SLC6A9: variants seen among roughly 807,000 people sequenced by gnomAD.
SLC6A9 encodes sodium- and chloride-dependent glycine transporter 1.
In SLC6A9, 31 loss-of-function variants were observed where a neutral mutation model predicts 70.9. The observed-to-expected ratio is 0.44, with a 90% CI of 0.33 to 0.59. The LOEUF (loss-of-function observed/expected upper bound fraction) is 0.59, where lower values mean the gene tolerates loss of function less well. SLC6A9 is among the 20% of genes least tolerant of loss of function. The pLI is 0.04. For missense variants in SLC6A9, 631 were observed against 845.2 expected, an observed-to-expected ratio of 0.75 and a Z score of 3.14; for synonymous variants, 310 against 341.3, an observed-to-expected ratio of 0.91 and a Z score of 1.01.
intron 1 of SLC6A9, among the ~76,000 whole-genome samples, chr1:44,030,141 G>C (rs1256515157): frequency 6.6e-6 from 1 of 152,096 alleles, no homozygotes; most frequent in Admixed American, 6.5e-5. Context: ...GGAGGCCTCC[G>C]GCCGGCGGGC....
At chr1:44,004,635 C>T (rs529171287) in intron 5 of SLC6A9, among the ~76,000 whole-genome samples, 13 of 152,324 alleles carry the variant, frequency 8.5e-5, no homozygotes, top group Admixed American at 5.9e-4. Flanking sequence ...CATGAGCCAC[C>T]GCACCTGGCC....
intron 3 of SLC6A9, chr1:44,010,462 G>GGGA: frequency 4.4e-6 from 1 of 229,566 alleles, no homozygotes; most frequent in Non-Finnish European, 8.8e-6. Context: ...TGGGCGGGGG[G>GGGA]GGGGGGGGGT....
Position 44,000,646 on chromosome 1 carries a change from G to T in SLC6A9, c.1536+121C>A, listed in dbSNP as rs112820660. The T allele has an allele frequency of 9.2e-3, 6,277 of 682,188 alleles. 62 individuals carry two copies. Among genetic ancestry groups the T allele is most frequent in the South Asian group, 0.026 (1,404 of 54,420 alleles). The allele number at this position is 682,188 out of a possible 1,614,324, so 42.3% of individuals were successfully genotyped here. Reference sequence around the variant, plus strand: ...CTCCCTCAGCCTCCCAAAGGCCAGAGTCATGGGTATGGAGCTCCGGCCAGG... The same window carrying T: ...CTCCCTCAGCCTCCCAAAGGCCAGATTCATGGGTATGGAGCTCCGGCCAGG... On this transcript the variant is annotated intron_variant, in intron 12 of 13. Transcript: ENST00000372310.
Position 44,002,975 on chromosome 1 carries a change from G to A in SLC6A9, c.601C>T (p.Leu201=), listed in dbSNP as rs1158377666. The A allele has an allele frequency of 6.2e-7, 1 of 1,614,072 alleles. No homozygotes were observed. The highest frequency in any genetic ancestry group is 8.5e-7 in the Non-Finnish European group (1 of 1,179,992). The change falls in exon 6 of 14, where the codon CTG becomes TTG. Residue 201 remains leucine, a synonymous_variant. Transcript: ENST00000372310. The surrounding 1 kb of genome is among the most constrained non-coding windows in gnomAD (Gnocchi z 5.5). ...PSEEYWRLYV[L]KLSDDIGNFG... ...TTCCCAATGTCATCTGACAGCTTCA[G>A]CACGTACAGCCTGGGAAGGGGAGAC...
At chr1:43,999,627 C>G (rs1400723231) in intron 12 of SLC6A9, among the ~76,000 whole-genome samples, 1 of 152,186 alleles carries the variant, frequency 6.6e-6, no homozygotes, top group African/African-American at 2.4e-5. Context: ...TGTTTCAAAG[C>G]TGGGCCAGTG....
intron 4 of SLC6A9, 137 bp from the exon 5 acceptor site, chr1:44,008,760 C>T (rs2086423288): frequency 1.4e-6 from 1 of 703,000 alleles, no homozygotes; most frequent in Admixed American, 2.8e-5. Context: ...GGCTCTGACA[C>T]CCAGGCTGGA....
At position 43,997,624 on chromosome 1, in the gene SLC6A9, T is replaced by G. The variant is rs2085916325; in HGVS notation, c.1823A>C (p.Gln608Pro). The change falls in exon 14 of 14, where the codon CAG becomes CCG. Residue 608 changes from glutamine to proline, a missense_variant. Gln to Pro is a moderately conservative substitution (Grantham distance 76). Coordinates refer to ENST00000372310, the MANE Select transcript of SLC6A9 (RefSeq NM_001024845.3). The surrounding 1 kb of genome is among the most constrained non-coding windows in gnomAD (Gnocchi z 4.4). ...CTGCGCCTTGTCCGGGTGCAGTGGC[T>G]GGACCTCGAAGCCGTCCTCAGGAGA... ...APSPEDGFEV[Q>P]PLHPDKAQIP... The G allele has an allele frequency of 6.2e-7, 1 of 1,613,984 alleles. No individual in the cohort carries two copies. The highest frequency in any genetic ancestry group is 8.5e-7 in the Non-Finnish European group (1 of 1,180,010).
intron 1 of SLC6A9, among the ~76,000 whole-genome samples, chr1:44,025,303 C>T (rs547014057): frequency 1.3e-5 from 2 of 152,038 alleles, no homozygotes; most frequent in Non-Finnish European, 2.9e-5. Flanking sequence ...GTGGGGCTGG[C>T]GAGCTGGGGG....
At chr1:44,003,991 G>C (rs2086220369) in intron 5 of SLC6A9, among the ~76,000 whole-genome samples, 1 of 151,168 alleles carries the variant, frequency 6.6e-6, no homozygotes. Context: ...ACCATTTCTT[G>C]TTTGAAGGAT....
chr1:44,017,369 ACACACACAC>A, intron 2 of SLC6A9: 1 of 9,224 alleles, frequency 1.1e-4, no homozygotes, highest in Non-Finnish European at 1.6e-4. Flanking sequence ...AACTGGAACA[ACACACACAC>A]ACACACACAC....
At position 44,002,372 on chromosome 1, in the gene SLC6A9, G is replaced by A. The variant is rs200926104; in HGVS notation, c.903C>T (p.Cys301=). The A allele has an allele frequency of 8.1e-6, 13 of 1,613,950 alleles. No homozygotes were observed. Among genetic ancestry groups the A allele is most frequent in the Admixed American group, 6.7e-5 (4 of 60,002 alleles). The change falls in exon 8 of 14, where the codon TGC becomes TGT. Residue 301 remains cysteine (C), a synonymous_variant. Transcript: ENST00000372310. The surrounding 1 kb of genome is among the most constrained non-coding windows in gnomAD (Gnocchi z 5.5). ...AASQIFYSLG[C]AWGGLITMAS... is the part of the protein sequence containing the mutation. ...CCATGGTGATGAGGCCTCCCCACGCGCAGCCCAGTGAGTAGAAGATCTGGG... is the reference window on the plus strand; with the variant it reads ...CCATGGTGATGAGGCCTCCCCACGCACAGCCCAGTGAGTAGAAGATCTGGG...
At chr1:44,001,745 G>A in intron 8 of SLC6A9, 118 bp from the exon 9 acceptor site, 2 of 738,584 alleles carry the variant, frequency 2.7e-6, no homozygotes, top group Admixed American at 2.3e-5. Context: ...TTTTGGAGTG[G>A]GAGACAGGGT....
In SLC6A9 at chr1:44,001,195, C is replaced by T. The variant is rs200526873; in HGVS notation, c.1304G>A (p.Gly435Asp). 3.1e-6 allele frequency: 5 copies of T among 1,614,094 alleles called. No individual in the cohort carries two copies. Among genetic ancestry groups the T allele is most frequent in the Non-Finnish European group, 3.4e-6 (4 of 1,180,038 alleles). The change falls in exon 10 of 14, where the codon GGC becomes GAC. Residue 435 changes from glycine to aspartate, a missense_variant. Transcript: ENST00000372310. Reference protein sequence around the residue: ...TYVTLGVAVAGFLLGIPLTSQ... With the variant: ...TYVTLGVAVADFLLGIPLTSQ... ...GGTGAGGGGGATGCCCAGCAGGAAG[C>T]CAGCCACAGCCACGCCCAAGGTCAC...
In SLC6A9 at chr1:44,013,550, T is replaced by G. The variant is rs2086644856; in HGVS notation, c.31-2668A>C. ...GAAGTTTCTGACAACACTAAAGGTC[T>G]GCTGTATGCAGAGGATCCTTGCAGA... On this transcript the variant is annotated intron_variant, in intron 2 of 13. Transcript: ENST00000372310. The surrounding 1 kb of genome is among the most constrained non-coding windows in gnomAD (Gnocchi z 5.3). Among the ~76,000 whole-genome samples, 1 of 152,236 alleles carries G rather than the reference T, an allele frequency of 6.6e-6. No individual in the cohort carries two copies. Among genetic ancestry groups the G allele is most frequent in the African/African-American group, 2.4e-5 (1 of 41,460 alleles).
intron 4 of SLC6A9, 63 bp from the exon 5 acceptor site, chr1:44,008,686 A>G: frequency 7.4e-7 from 1 of 1,360,144 alleles, no homozygotes; most frequent in Non-Finnish European, 1.0e-6. Flanking sequence ...TGAGGTTAAT[A>G]ATTTCTTTTT....
intron 1 of SLC6A9, among the ~76,000 whole-genome samples, chr1:44,029,046 G>T (rs2087041357): frequency 6.6e-6 from 1 of 152,202 alleles, no homozygotes; most frequent in South Asian, 2.1e-4. Flanking sequence ...TGCTGGTGAG[G>T]CTGCAGGTTT....
chr1:44,020,623 G>T (rs2086863707), intron 2 of SLC6A9, among the ~76,000 whole-genome samples: 1 of 152,216 alleles, frequency 6.6e-6, no homozygotes. Context: ...TACCAAGGGA[G>T]TGTCCAAGGT....
At chr1:44,001,319 A>T in intron 9 of SLC6A9, 21 bp from the exon 10 acceptor site, 1 of 1,614,144 alleles carries the variant, frequency 6.2e-7, no homozygotes, top group Non-Finnish European at 8.5e-7. Flanking sequence ...TGGCTGTCAG[A>T]TCGGAGACCT....
chr1:44,016,045 G>A (rs1431752633), intron 2 of SLC6A9, among the ~76,000 whole-genome samples: 1 of 152,234 alleles, frequency 6.6e-6, no homozygotes, highest in Non-Finnish European at 1.5e-5. Flanking sequence ...CTGACTGGCA[G>A]CAAGGGACCT....
Sources: gnomAD v4.1 joint callset for allele counts (sites outside exome capture counted in the v4.1 genomes callset) on GRCh38, gnomAD v4.1.1 for gene constraint, Gnocchi (gnomAD v3.1) non-coding constraint, MANE v1.5 for transcripts, NCBI Gene and HGNC (gene_info 2026-07-23, HGNC 2026-07-21) for gene names.